CPSF4L: variants seen among roughly 807,000 people sequenced by gnomAD.
CPSF4L encodes the protein putative cleavage and polyadenylation specificity factor subunit 4-like protein.
A neutral mutation model predicts 24.0 loss-of-function variants in CPSF4L; 18 were observed. The ratio of observed to expected loss-of-function variants is 0.75; its 90% CI spans 0.52 to 1.11. CPSF4L has a LOEUF of 1.11. Ranked by LOEUF, CPSF4L falls within the 50% of genes least tolerant of loss-of-function variation. The pLI, the probability that CPSF4L is intolerant of heterozygous loss-of-function variation, is 0.00. For synonymous variants in CPSF4L, 72 were observed against 77.2 expected (o/e 0.93, Z 0.35); for missense variants, 211 against 221.8 (o/e 0.95, Z 0.31).
intron 1 of CPSF4L, 51 bp downstream of exon 1, chr17:73,261,665 A>C (rs72849296): frequency 0.15 from 195,667 of 1,267,066 alleles, 16,791 homozygotes; most frequent in Non-Finnish European, 0.18. Context: ...CGTCTCAAAG[A>C]AAAAAAAACA....
downstream of CPSF4L, among the ~76,000 whole-genome samples, chr17:73,246,157 A>G (rs1156421512): frequency 6.6e-6 from 1 of 152,178 alleles, no homozygotes; most frequent in Non-Finnish European, 1.5e-5. Context: ...TCACACGCAC[A>G]CACCCGTCTG....
intron 5 of CPSF4L, chr17:73,251,033 T>C (rs1248442906): frequency 6.5e-7 from 1 of 1,549,706 alleles, no homozygotes; most frequent in East Asian, 2.4e-5. Context: ...GGCACTCTGT[T>C]GGGGATGGGG....
At chr17:73,243,974 A>G (rs779256527), downstream of CPSF4L, among the ~76,000 whole-genome samples, 6 of 152,180 alleles carry the variant, frequency 3.9e-5, no homozygotes, top group Non-Finnish European at 7.3e-5. Context: ...CAAAAGAGAG[A>G]AGGAGGAATA....
chr17:73,248,154 T>C (rs2061977722), downstream of CPSF4L: 1 of 265,116 alleles, frequency 3.8e-6, no homozygotes, highest in Non-Finnish European at 7.2e-6. Context: ...TTCGCTCATG[T>C]ATGCAAAATT....
intron 4 of CPSF4L, among the ~76,000 whole-genome samples, chr17:73,253,163 C>T (rs922905674): frequency 6.6e-6 from 1 of 152,150 alleles, no homozygotes; most frequent in African/African-American, 2.4e-5. Flanking sequence ...AGTTCGAGAC[C>T]AGCCTGGGCC....
downstream of CPSF4L, chr17:73,245,243 A>C (rs905961699): frequency 2.5e-5 from 40 of 1,608,910 alleles, no homozygotes; most frequent in Non-Finnish European, 3.2e-5. Flanking sequence ...CGTACAGTGG[A>C]GACGACTGCA....
In CPSF4L at chr17:73,252,989, G is replaced by A. The variant is rs189860170; in HGVS notation, c.404-266C>T. 9.8e-3 allele frequency among the ~76,000 whole-genome samples: 267 copies of A among 27,346 alleles called. 1 individual carries two copies. Among genetic ancestry groups the A allele is most frequent in the African/African-American group, 0.018 (258 of 14,656 alleles). The allele number at this position is 27,346 out of a possible 152,430, so 17.9% of individuals were successfully genotyped here. A position where few individuals can be genotyped will look rare whatever the true frequency, so the allele number is the denominator to read the frequency against. The stretch of plus-strand genomic sequence containing the variant: ...GAGTTGGAAATGTCACTGACATGCT[G>A]TGTCCTGGAGGACTGCATGGATATG... On this transcript the variant is annotated intron_variant, in intron 4 of 5. Transcript: ENST00000344935.
chr17:73,252,869 A>G, intron 4 of CPSF4L, 146 bp from the exon 5 acceptor site: 1 of 586,072 alleles, frequency 1.7e-6, no homozygotes, highest in Non-Finnish European at 3.0e-6. Flanking sequence ...TTTCTGTACC[A>G]CCCTAAAGCA....
chr17:73,248,544 G>A lies in CPSF4L; in HGVS notation c.498-8C>T, dbSNP rs2061984009. ...TTGAATTCCCGAATCTTCCTGCAAG[G>A]TGCATACAAATGCAGCGTGAGAATC... On this transcript the variant is annotated splice_polypyrimidine_tract_variant and splice_region_variant and intron_variant, in intron 5 of 5. Coordinates refer to ENST00000344935, the MANE Select transcript of CPSF4L (RefSeq NM_001129885.1). 6.4e-7 allele frequency: 1 copy of A among 1,551,548 alleles called. No individual in the cohort carries two copies. Among genetic ancestry groups the A allele is most frequent in the Non-Finnish European group, 8.7e-7 (1 of 1,146,904 alleles).
downstream of CPSF4L, chr17:73,247,467 C>A (rs750797037): frequency 8.4e-5 from 74 of 886,182 alleles, no homozygotes; most frequent in Non-Finnish European, 9.0e-6. Flanking sequence ...CTTTTCAGCC[C>A]TCAAGGTTAT....
At chr17:73,250,276 T>A in intron 5 of CPSF4L, 1 of 1,550,798 alleles carries the variant, frequency 6.4e-7, no homozygotes, top group African/African-American at 1.4e-5. Context: ...CTTACTGTAC[T>A]TACTGGCATA....
In CPSF4L at chr17:73,248,532, T is replaced by C. The variant is rs2061983575; in HGVS notation, c.502A>G (p.Ile168Val). ...EGPKCQFAQK[I>V]REFKLLPGSK... The stretch of plus-strand genomic sequence containing the variant: ...CCAGGCAGCAGCTTGAATTCCCGAA[T>C]CTTCCTGCAAGGTGCATACAAATGC... The change falls in exon 6 of 6, where the codon ATT (isoleucine) becomes GTT (valine). Residue 168 changes from isoleucine to valine, a missense_variant. Coordinates refer to ENST00000344935, the MANE Select transcript of CPSF4L (RefSeq NM_001129885.1). 11 of 1,551,680 alleles carry C rather than the reference T, an allele frequency of 7.1e-6. No homozygotes were observed. The highest frequency in any genetic ancestry group is 1.4e-5 in the African/African-American group (1 of 73,174).
chr17:73,255,895 T>C (rs1374156892), intron 3 of CPSF4L, among the ~76,000 whole-genome samples: 2 of 152,126 alleles, frequency 1.3e-5, no homozygotes, highest in African/African-American at 4.8e-5. Context: ...CAATCCGCCT[T>C]TCAGAGACGG....
intron 3 of CPSF4L, among the ~76,000 whole-genome samples, chr17:73,255,794 C>T (rs549116249): frequency 2.1e-3 from 322 of 152,078 alleles, no homozygotes; most frequent in Non-Finnish European, 2.3e-3. Flanking sequence ...ATGGAGATAA[C>T]AGAAAGTCAT....
chr17:73,244,013 T>C (rs2061900113), downstream of CPSF4L, among the ~76,000 whole-genome samples: 1 of 152,234 alleles, frequency 6.6e-6, no homozygotes, highest in South Asian at 2.1e-4. Flanking sequence ...CCAATGTGTC[T>C]AAGTCTTATT....
upstream of CPSF4L, among the ~76,000 whole-genome samples, chr17:73,263,100 C>G (rs1274736648): frequency 6.6e-6 from 1 of 152,088 alleles, no homozygotes; most frequent in Non-Finnish European, 1.5e-5. Context: ...CAAGGGGGTC[C>G]CTGGGGTAGA....
Position 73,254,705 on chromosome 17 carries a change from G to A in CPSF4L, c.308-679C>T, listed in dbSNP as rs190520057. ...GTTGCCCAGGCTGGAGTGCAATGGC[G>A]CAATCTTAGCTCACTGCAACCTCCG... is the stretch of plus-strand genomic sequence containing the variant. On this transcript the variant is annotated intron_variant, in intron 3 of 5. Coordinates refer to ENST00000344935, the MANE Select transcript of CPSF4L (RefSeq NM_001129885.1). Among the ~76,000 whole-genome samples, 70 of 152,250 alleles carry A rather than the reference G, an allele frequency of 4.6e-4. No homozygotes were observed. The East Asian group carries it at 0.012, about 26-fold the overall frequency.
At chr17:73,261,030 C>T in intron 1 of CPSF4L, 47 bp from the exon 2 acceptor site, 7 of 1,499,714 alleles carry the variant, frequency 4.7e-6, no homozygotes, top group African/African-American at 1.4e-5. Flanking sequence ...CCAGAGGCTG[C>T]AGCTGTTCCG....
At chr17:73,243,063 A>G in the CPSF4L span, 8 of 1,185,232 alleles carry the variant, frequency 6.7e-6, no homozygotes, top group Admixed American at 1.2e-4. Context: ...GTGGACCTCC[A>G]AGGGATTCTC....
Sources: gnomAD v4.1 joint callset for allele counts (sites outside exome capture counted in the v4.1 genomes callset) on GRCh38, gnomAD v4.1.1 for gene constraint, MANE v1.5 for transcripts, NCBI Gene and HGNC (gene_info 2026-07-23, HGNC 2026-07-21) for gene names.